The following OTUD7A variants were observed in gnomAD, a reference collection of about 807,000 sequenced individuals.
The protein encoded by OTUD7A is OTU deubiquitinase 7A.
In OTUD7A, 12 loss-of-function variants were observed where a neutral mutation model predicts 65.7. The observed-to-expected ratio is 0.18, with a 90% CI of 0.12 to 0.30. The LOEUF (loss-of-function observed/expected upper bound fraction) is 0.30. Among genes scored for constraint, OTUD7A ranks in the 10% least tolerant of loss-of-function variants. The pLI is 1.00. For synonymous variants in OTUD7A, 641 were observed against 586.3 expected (o/e 1.09, Z -1.35); for missense variants, 1,148 against 1,304.8 (o/e 0.88, Z 1.85).
intron 3 of OTUD7A, among the ~76,000 whole-genome samples, chr15:31,648,615 T>C (rs7496946): frequency 0.31 from 46,703 of 151,984 alleles, 8,421 homozygotes; most frequent in African/African-American, 0.5. Context: ...CCATTGTAAA[T>C]CAGAAAATCT....
intron 5 of OTUD7A, among the ~76,000 whole-genome samples, chr15:31,538,782 G>C (rs1006877223): frequency 1.3e-5 from 2 of 152,076 alleles, no homozygotes; most frequent in Non-Finnish European, 2.9e-5. Context: ...GCACCAGCAG[G>C]TTCCTTTCAA....
At chr15:31,830,443 G>T (rs1180383998) in intron 1 of OTUD7A, among the ~76,000 whole-genome samples, 1 of 152,240 alleles carries the variant, frequency 6.6e-6, no homozygotes, top group Non-Finnish European at 1.5e-5. Flanking sequence ...ATCTGTGTCT[G>T]ACAATGACCT....
intron 1 of OTUD7A, chr15:31,767,590 T>C (rs1895123915): frequency 4.9e-6 from 4 of 812,724 alleles, no homozygotes; most frequent in Non-Finnish European, 8.8e-6. Flanking sequence ...TGACTTCTTC[T>C]AGGGATGGCA....
At chr15:31,561,620 C>A (rs1888691061) in intron 4 of OTUD7A, among the ~76,000 whole-genome samples, 1 of 152,118 alleles carries the variant, frequency 6.6e-6, no homozygotes. Flanking sequence ...CAGTTCTAAA[C>A]ATGAAATATT....
chr15:31,655,776 A>G (rs1477331254), intron 2 of OTUD7A, among the ~76,000 whole-genome samples: 3 of 152,212 alleles, frequency 2.0e-5, no homozygotes, highest in East Asian at 3.8e-4. Flanking sequence ...TATTAATTCC[A>G]ATAACTGATG....
chr15:31,822,598 TAACCAGAC>T (rs2140974151), intron 1 of OTUD7A, among the ~76,000 whole-genome samples: 1 of 152,264 alleles, frequency 6.6e-6, no homozygotes, highest in East Asian at 1.9e-4. Flanking sequence ...ACATCACAAA[TAACCAGAC>T]AAGCTTCTCT....
intron 1 of OTUD7A, among the ~76,000 whole-genome samples, chr15:31,719,466 A>G (rs931031194): frequency 6.6e-6 from 1 of 151,910 alleles, no homozygotes; most frequent in Non-Finnish European, 1.5e-5. Flanking sequence ...GCAGGAGTCA[A>G]CTTTAACATT....
chr15:31,616,099 G>A (rs1595658271), intron 3 of OTUD7A, among the ~76,000 whole-genome samples: 1 of 152,206 alleles, frequency 6.6e-6, no homozygotes, highest in East Asian at 1.9e-4. Context: ...TAGCTGCAGC[G>A]CAGAACAGGC....
Position 31,484,365 on chromosome 15 carries a change from G to A in OTUD7A, c.1731C>T (p.Gly577=), listed in dbSNP as rs768245062. 6.2e-7 allele frequency: 1 copy of A among 1,601,216 alleles called. No individual in the cohort carries two copies. Among genetic ancestry groups the A allele is most frequent in the South Asian group, 1.1e-5 (1 of 91,048 alleles). Reference sequence around the variant, plus strand: ...CCGACGCACCAGACTCCTCCTTGCTGCCCTTGCGCGACTTGGCCTTCTTCT... The same window carrying A: ...CCGACGCACCAGACTCCTCCTTGCTACCCTTGCGCGACTTGGCCTTCTTCT... ...GKEKKAKSRK[G]SKEESGASAS... Residue 577 remains glycine (G), a synonymous_variant, in exon 13 of 13, where the codon GGC becomes GGT. Coordinates refer to ENST00000307050, the MANE Select transcript of OTUD7A (RefSeq NM_001382637.1). This position sits in a 1 kb window ranked among gnomAD's most constrained non-coding sequence, Gnocchi z 4.5.
chr15:31,868,275 C>T (rs1042191323), intron 1 of OTUD7A, among the ~76,000 whole-genome samples: 1 of 152,150 alleles, frequency 6.6e-6, no homozygotes, highest in Non-Finnish European at 1.5e-5. Context: ...AAATAAGTGA[C>T]CCATACCTAA....
Position 31,811,561 on chromosome 15 carries a change from G to A in OTUD7A, c.-100+58946C>T, listed in dbSNP as rs372651543. ...TGTGCGTATGTGTATGTGAGTGTGC[G>A]TTTATGGGCATTTGGCATGTGTGGC... is the stretch of plus-strand genomic sequence containing the variant. On this transcript the variant is annotated intron_variant, in intron 1 of 12. Coordinates refer to ENST00000307050, the MANE Select transcript of OTUD7A (RefSeq NM_001382637.1). Among the ~76,000 whole-genome samples the A allele has an allele frequency of 2.8e-4, 42 of 152,238 alleles. No individual in the cohort carries two copies. In the South Asian group the frequency reaches 7.5e-3, roughly 27 times the overall value.
At chr15:31,588,941 T>A (rs1378758601) in intron 3 of OTUD7A, among the ~76,000 whole-genome samples, 3 of 152,190 alleles carry the variant, frequency 2.0e-5, no homozygotes, top group African/African-American at 7.2e-5. Flanking sequence ...TCAGGCAGCC[T>A]ATGATGGGCC....
chr15:31,709,306 G>A (rs1356818216), intron 1 of OTUD7A, among the ~76,000 whole-genome samples: 1 of 152,204 alleles, frequency 6.6e-6, no homozygotes, highest in Admixed American at 6.5e-5. Flanking sequence ...TCACAGGAAA[G>A]GGCAGGAACT....
intron 5 of OTUD7A, among the ~76,000 whole-genome samples, chr15:31,534,219 T>C (rs370831691): frequency 1.3e-5 from 2 of 152,198 alleles, no homozygotes; most frequent in Admixed American, 1.3e-4. Flanking sequence ...CAAAGAACTA[T>C]ATACCATGAC....
At chr15:31,732,589 C>T (rs566163549) in intron 1 of OTUD7A, among the ~76,000 whole-genome samples, 4 of 152,200 alleles carry the variant, frequency 2.6e-5, no homozygotes, top group East Asian at 1.9e-4. Context: ...CACTTGGAAA[C>T]GCCACAGCGT....
intron 1 of OTUD7A, among the ~76,000 whole-genome samples, chr15:31,757,801 A>G (rs1213663696): frequency 2.0e-5 from 3 of 152,260 alleles, no homozygotes; most frequent in Non-Finnish European, 2.9e-5. Context: ...ATAATTCTAT[A>G]GAATTCTTTG....
intron 4 of OTUD7A, among the ~76,000 whole-genome samples, chr15:31,559,604 G>A (rs1028124119): frequency 2.0e-5 from 3 of 152,040 alleles, no homozygotes; most frequent in Non-Finnish European, 4.4e-5. Flanking sequence ...ACATACATGT[G>A]CACACACTAC....
intron 4 of OTUD7A, among the ~76,000 whole-genome samples, chr15:31,565,764 C>T (rs1888848847): frequency 6.6e-6 from 1 of 152,166 alleles, no homozygotes; most frequent in African/African-American, 2.4e-5. Context: ...GCAAAGCTGG[C>T]ATTTAGTTCA....
chr15:31,720,463 G>A (rs1332718483), intron 1 of OTUD7A, among the ~76,000 whole-genome samples: 11 of 150,528 alleles, frequency 7.3e-5, no homozygotes, highest in Admixed American at 3.3e-4. Context: ...GCGGTGGCGC[G>A]CTCTCAGCTC....
Sources: allele counts gnomAD v4.1 joint callset (sites outside exome capture counted in the v4.1 genomes callset), GRCh38; gene constraint gnomAD v4.1.1; non-coding constraint Gnocchi (gnomAD v3.1); transcripts MANE v1.5; gene names NCBI Gene and HGNC (gene_info 2026-07-23, HGNC 2026-07-21).